MGLL: variants seen among roughly 807,000 people sequenced by gnomAD.
MGLL encodes monoglyceride lipase, also known as lysophospholipase homolog.
In MGLL, 7 loss-of-function variants were observed where a neutral mutation model predicts 29.1. The ratio of observed to expected loss-of-function variants is 0.24; its 90% confidence interval spans 0.14 to 0.45. MGLL has a LOEUF of 0.45. Ranked by LOEUF, MGLL falls within the 20% of genes least tolerant of loss-of-function variation. The pLI is 0.99. For missense variants in MGLL, 356 were observed against 413.6 expected (o/e 0.86, Z 1.21); for synonymous variants, 148 against 168.3 (o/e 0.88, Z 0.93).
At chr3:127,706,867 G>T (rs575059027) in intron 6 of MGLL, among the ~76,000 whole-genome samples, 2 of 152,326 alleles carry the variant, frequency 1.3e-5, no homozygotes, top group Admixed American at 6.5e-5. Context: ...TTTAGCTGTG[G>T]TTACGCTTAA....
rs75438369 is a variant in MGLL, at chr3:127,736,013, A to G, written c.263-13447T>C. On this transcript the variant is annotated intron_variant, in intron 3 of 7. Coordinates refer to ENST00000265052, the MANE Select transcript of MGLL (RefSeq NM_007283.7). The stretch of plus-strand genomic sequence containing the variant: ...CACGCTAAAAGCTCCCAGGTTTAAC[A>G]TGGAACAGACCTTTTTATTTTCCCT... 1,309 of 1,416,758 alleles carry G rather than the reference A, an allele frequency of 9.2e-4. 5 individuals carry two copies. In the African/African-American group the frequency reaches 0.016, roughly 18 times the overall value. The allele number at this position is 1,416,758 out of a possible 1,614,324, so 87.8% of individuals were successfully genotyped here.
chr3:127,739,544 T>C (rs1026625991), intron 3 of MGLL, among the ~76,000 whole-genome samples: 5 of 152,176 alleles, frequency 3.3e-5, no homozygotes, highest in African/African-American at 1.2e-4. Flanking sequence ...AAAGCTTAAA[T>C]TGCTGAATGA....
At chr3:127,733,339 G>A (rs1244261842) in intron 3 of MGLL, among the ~76,000 whole-genome samples, 1 of 152,134 alleles carries the variant, frequency 6.6e-6, no homozygotes, top group Non-Finnish European at 1.5e-5. Flanking sequence ...ATAAAAATGG[G>A]CACCCACCAG....
chr3:127,817,455 C>T lies in MGLL; in HGVS notation c.155+4239G>A, dbSNP rs567295626. On this transcript the variant is annotated intron_variant, in intron 2 of 7. Coordinates refer to ENST00000265052, the MANE Select transcript of MGLL (RefSeq NM_007283.7). ...GCCAGGAAGGCCAAGTGGCATGAGC[C>T]GGTGGATGGACTAGCACTGAGGAAA... is the stretch of plus-strand genomic sequence containing the variant. Among the ~76,000 whole-genome samples the T allele has an allele frequency of 9.8e-5, 15 of 152,318 alleles. No homozygotes were observed. In the South Asian group the frequency reaches 2.7e-3, roughly 27 times the overall value.
intron 6 of MGLL, among the ~76,000 whole-genome samples, chr3:127,699,214 C>A (rs1190097603): frequency 6.6e-6 from 1 of 152,216 alleles, no homozygotes; most frequent in Non-Finnish European, 1.5e-5. Context: ...TTCTGAATTT[C>A]CAGCACTGTC....
intron 2 of MGLL, chr3:127,784,151 A>C (rs747562923): frequency 3.3e-5 from 5 of 152,246 alleles, no homozygotes; most frequent in Non-Finnish European, 7.3e-5. Context: ...CACCAAGTCA[A>C]TATGTGGAAA....
intron 3 of MGLL, among the ~76,000 whole-genome samples, chr3:127,780,111 A>C (rs1416010261): frequency 6.6e-6 from 1 of 152,236 alleles, no homozygotes; most frequent in African/African-American, 2.4e-5. Context: ...TGGAAACATC[A>C]AAAGGTGGGC....
intron 3 of MGLL, among the ~76,000 whole-genome samples, chr3:127,768,279 C>A (rs143822616): frequency 2.5e-4 from 38 of 152,296 alleles, no homozygotes; most frequent in African/African-American, 7.9e-4. Context: ...TAAGAAGGAG[C>A]ACTTCCCAAT....
chr3:127,806,255 T>C (rs961622130), intron 2 of MGLL, among the ~76,000 whole-genome samples: 11 of 152,250 alleles, frequency 7.2e-5, no homozygotes, highest in African/African-American at 2.4e-4. Context: ...CCTTGGGCTG[T>C]GAGCCCTTGG....
intron 2 of MGLL, among the ~76,000 whole-genome samples, chr3:127,804,275 C>T (rs759735809): frequency 1.9e-4 from 29 of 152,244 alleles, no homozygotes; most frequent in Non-Finnish European, 3.5e-4. Flanking sequence ...AAAGCAGTGT[C>T]GCCCAGGAGG....
At chr3:127,767,223 A>G (rs2076875210) in intron 3 of MGLL, among the ~76,000 whole-genome samples, 1 of 152,036 alleles carries the variant, frequency 6.6e-6, no homozygotes, top group Admixed American at 6.6e-5. Context: ...TGGAGCCTGG[A>G]TTTATCTAAT....
At chr3:127,787,634 G>A (rs1182279834) in intron 2 of MGLL, among the ~76,000 whole-genome samples, 6 of 152,252 alleles carry the variant, frequency 3.9e-5, no homozygotes, top group Non-Finnish European at 7.3e-5. Context: ...TCCTGGGTGA[G>A]GGGAGCCTCG....
At chr3:127,694,126 C>G (rs140339091) in intron 7 of MGLL, among the ~76,000 whole-genome samples, 1 of 151,518 alleles carries the variant, frequency 6.6e-6, no homozygotes, top group Non-Finnish European at 1.5e-5. Flanking sequence ...AAAAATTAGC[C>G]GGGCAGGGTG....
rs186599308 is a variant in MGLL at position 127,782,137 on chromosome 3, G to A, written c.156-242C>T. Among the ~76,000 whole-genome samples, 130 of 152,262 alleles carry A rather than the reference G, an allele frequency of 8.5e-4. 1 individual carries two copies. The highest frequency in any genetic ancestry group is 3.4e-3 in the Middle Eastern group (1 of 294). ...CTCGGCAGGCTGAGGCAGGAGAATT[G>A]CTTGAACCCAGGAGGCAGAGATGAC... is the stretch of plus-strand genomic sequence containing the variant. On this transcript the variant is annotated intron_variant, in intron 2 of 7. Transcript: ENST00000265052.
chr3:127,750,564 G>A (rs2076539231), intron 3 of MGLL, among the ~76,000 whole-genome samples: 3 of 151,946 alleles, frequency 2.0e-5, no homozygotes, highest in Non-Finnish European at 4.4e-5. Context: ...GGACTCACAG[G>A]GAACAGATGT....
At chr3:127,709,253 C>T (rs563395510) in intron 6 of MGLL, among the ~76,000 whole-genome samples, 2 of 152,268 alleles carry the variant, frequency 1.3e-5, no homozygotes, top group East Asian at 3.9e-4. Context: ...AACCTGGCCC[C>T]AAGATGTAGG....
rs774965066 is a variant in MGLL, at chr3:127,737,630, C to CTTTTTTTTTTTTTTTTTTTTTTTT, written c.263-15088_263-15065dup. Among the ~76,000 whole-genome samples, 21 of 68,610 alleles carry CTTTTTTTTTTTTTTTTTTTTTTTT rather than the reference C, an allele frequency of 3.1e-4. 5 individuals carry two copies. The highest frequency in any genetic ancestry group is 1.2e-3 in the African/African-American group (16 of 13,580). 45.0% of individuals were successfully genotyped at this position (68,610 alleles called of 152,430 possible). On this transcript the variant is annotated intron_variant, in intron 3 of 7. Transcript: ENST00000265052. ...GACACAGTGAAATCATCAACTGCTTCTTTTTTTTTTTTTTTTTTTTTTTTT... is the reference window on the plus strand; with the variant it reads ...GACACAGTGAAATCATCAACTGCTTCTTTTTTTTTTTTTTTTTTTTTTTTTTTTTTTTTTTTTTTTTTTTTTTTT...
intron 3 of MGLL, among the ~76,000 whole-genome samples, chr3:127,747,970 C>A (rs1173803362): frequency 1.3e-5 from 2 of 152,156 alleles, no homozygotes; most frequent in Non-Finnish European, 2.9e-5. Flanking sequence ...GAAAATGAGT[C>A]AAATGGGGAC....
At position 127,781,980 on chromosome 3, in the gene MGLL, G is replaced by A. The variant is rs1576283241; in HGVS notation, c.156-85C>T. The A allele has an allele frequency of 6.2e-6, 8 of 1,295,152 alleles. No homozygotes were observed. In the East Asian group the frequency reaches 1.7e-4, roughly 28 times the overall value. 80.2% of individuals were successfully genotyped at this position (1,295,152 alleles called of 1,614,324 possible). The stretch of plus-strand genomic sequence containing the variant: ...TCATGCCTACAATTCCAGCACTTTG[G>A]GAGGCCGGGGCGGGCGGATTGCCTG... On this transcript the variant is annotated intron_variant, in intron 2 of 7. Transcript: ENST00000265052.
Sources: allele counts gnomAD v4.1 joint callset (sites outside exome capture counted in the v4.1 genomes callset), GRCh38; gene constraint gnomAD v4.1.1; transcripts MANE v1.5; gene names NCBI Gene and HGNC (gene_info 2026-07-23, HGNC 2026-07-21).